NLRP2: variants seen among roughly 807,000 people sequenced by gnomAD.
NLRP2 encodes NLR family pyrin domain containing 2.
NLRP2 carries 107 observed loss-of-function variants against 97.2 expected under a neutral mutation model. The observed-to-expected ratio is 1.10, with a 90% confidence interval of 0.94 to 1.29. NLRP2 has a LOEUF of 1.29. NLRP2 is among the 50% of genes most tolerant of loss of function. The pLI, the probability that NLRP2 is intolerant of heterozygous loss-of-function variation, is 0.00. For missense variants in NLRP2, 1,495 were observed against 1,330.3 expected (o/e 1.12, Z -1.93); for synonymous variants, 663 against 551.5 (o/e 1.20, Z -2.83).
chr19:54,995,049 C>T (rs1313449886), intron 11 of NLRP2, among the ~76,000 whole-genome samples: 1 of 151,182 alleles, frequency 6.6e-6, no homozygotes, highest in Non-Finnish European at 1.5e-5. Context: ...CACAGTGGCT[C>T]ATACCTGTAA....
chr19:54,981,696 C>T lies in NLRP2; in HGVS notation c.463+14C>T. The T allele has an allele frequency of 7.1e-7, 1 of 1,400,308 alleles. No individual in the cohort carries two copies. 86.7% of individuals were successfully genotyped at this position (1,400,308 alleles called of 1,614,324 possible). A position where few individuals can be genotyped will look rare whatever the true frequency, so the allele number is the denominator to read the frequency against. ...GAAAAAAGCCAGGTCTGTACCATAT[C>T]TTCCTGCAGGGAGCTTGGGATCAGA... On this transcript the variant is annotated intron_variant, in intron 5 of 12. Coordinates refer to ENST00000448584, the MANE Select transcript of NLRP2 (RefSeq NM_017852.5).
In NLRP2 at chr19:54,975,129, T is replaced by G. The variant is rs927725855; in HGVS notation, c.325+585T>G. Among the ~76,000 whole-genome samples the G allele has an allele frequency of 1.0e-4, 11 of 104,772 alleles. 1 individual carries two copies. The South Asian group carries it at 2.3e-3, about 22-fold the overall frequency. The allele number at this position is 104,772 out of a possible 152,430, so 68.7% of individuals were successfully genotyped here. ...TTGTTTTTTTTTTTTTTTTTTTTTT[T>G]TTTTTTTTTTTTTTGAAACAGGGCT... is the stretch of plus-strand genomic sequence containing the variant. On this transcript the variant is annotated intron_variant, in intron 3 of 12. Transcript: ENST00000448584.
chr19:54,989,020 T>C (rs904069195), intron 8 of NLRP2, among the ~76,000 whole-genome samples: 3 of 151,660 alleles, frequency 2.0e-5, no homozygotes, highest in Admixed American at 6.6e-5. Context: ...TGCAGTGGAG[T>C]GATCTCGGCT....
At chr19:54,984,524 C>T (rs1017627675) in intron 6 of NLRP2, among the ~76,000 whole-genome samples, 7 of 89,410 alleles carry the variant, frequency 7.8e-5, no homozygotes, top group African/African-American at 4.1e-4. Context: ...ACTCTTTTTC[C>T]CAGGTCGGAG....
Position 54,990,062 on chromosome 19 carries a change from C to T in NLRP2, c.2407C>T (p.Leu803Phe), listed in dbSNP as rs764561180. The T allele has an allele frequency of 7.4e-6, 12 of 1,614,040 alleles. No individual in the cohort carries two copies. Among genetic ancestry groups the T allele is most frequent in the Non-Finnish European group, 9.3e-6 (11 of 1,180,018 alleles). ...CGCTACCACTCAGCAGTGGGCTGAT[C>T]TCTCCTTGGCCCTTGAAGTCAACCA... ...CSATTQQWAD[L>F]SLALEVNQSL... is the part of the protein sequence containing the mutation. Residue 803 changes from leucine (L) to phenylalanine (F), a missense_variant, in exon 9 of 13, where the codon CTC (leucine) becomes TTC (phenylalanine). Leu to Phe is a conservative substitution (Grantham distance 22). Transcript: ENST00000448584.
At position 54,994,294 on chromosome 19, in the gene NLRP2, G is replaced by T. The variant is rs746718511; in HGVS notation, c.2734G>T (p.Asp912Tyr). Residue 912 changes from aspartate (D) to tyrosine (Y), a missense_variant, in exon 11 of 13, where the codon GAT becomes TAT. Transcript: ENST00000448584. ...LVLWNCDITS[D>Y]GCCDLTKLLQ... ...GCTTTGGAACTGCGACATAACTAGC[G>T]ATGGCTGCTGCGATCTCACAAAGCT... 1.2e-6 allele frequency: 2 copies of T among 1,614,012 alleles called. No individual in the cohort carries two copies. The highest frequency in any genetic ancestry group is 2.7e-5 in the African/African-American group (2 of 74,900).
intron 3 of NLRP2, among the ~76,000 whole-genome samples, chr19:54,975,108 T>G (rs61471122): frequency 0.15 from 1,791 of 11,976 alleles, 72 homozygotes; most frequent in African/African-American, 0.45. Flanking sequence ...CCGGTTTTGT[T>G]TTTTTTTTTT....
rs558748710 is a variant in NLRP2 at position 54,979,707 on chromosome 19, G to T, written c.397+1884G>T. 3.3e-4 allele frequency among the ~76,000 whole-genome samples: 50 copies of T among 152,228 alleles called. 4 individuals are homozygous for T. The South Asian group carries it at 0.01, about 31-fold the overall frequency. Reference sequence around the variant, plus strand: ...TGCTATGGCTCTGTATAATAGAGGTGAGTAACTTGGTTGAAGGAATTGTTT... The same window carrying T: ...TGCTATGGCTCTGTATAATAGAGGTTAGTAACTTGGTTGAAGGAATTGTTT... On this transcript the variant is annotated intron_variant, in intron 4 of 12. Coordinates refer to ENST00000448584, the MANE Select transcript of NLRP2 (RefSeq NM_017852.5).
In NLRP2 at chr19:55,001,007, CA is replaced by C; in HGVS notation, c.*110del. The C allele has an allele frequency of 1.1e-6, 1 of 943,712 alleles. No individual in the cohort carries two copies. The highest frequency in any genetic ancestry group is 1.3e-5 in the South Asian group (1 of 75,372). The allele number at this position is 943,712 out of a possible 1,614,324, so 58.5% of individuals were successfully genotyped here. On this transcript the variant is annotated 3_prime_UTR_variant, in exon 13 of 13. Transcript: ENST00000448584. ...CCCTACCCCTCAGGGATAATGAGTT[CA>C]TTGCTGGGCTAGATGTTTTAGCCAT...
chr19:54,987,050 A>G (rs542487848), intron 8 of NLRP2, among the ~76,000 whole-genome samples: 64 of 149,966 alleles, frequency 4.3e-4, no homozygotes, highest in Non-Finnish European at 7.1e-4. Context: ...ACACCTGGTT[A>G]ATTTTTGTAT....
intron 3 of NLRP2, among the ~76,000 whole-genome samples, chr19:54,974,782 C>T (rs984499243): frequency 1.3e-5 from 2 of 152,098 alleles, no homozygotes; most frequent in Admixed American, 1.3e-4. Flanking sequence ...TAAGCTTGGC[C>T]TTTGAATCTG....
At chr19:54,994,582 T>G (rs2072701617) in intron 11 of NLRP2, 143 bp downstream of exon 11, 1 of 879,834 alleles carries the variant, frequency 1.1e-6, no homozygotes, top group Admixed American at 2.0e-5. Flanking sequence ...ACTAGGATGG[T>G]TAAAGGAATA....
chr19:54,986,401 A>C, intron 8 of NLRP2, 86 bp downstream of exon 8: 1 of 1,295,288 alleles, frequency 7.7e-7, no homozygotes, highest in Admixed American at 1.7e-5. Flanking sequence ...AATAAGAAAA[A>C]GTTCGTTATT....
chr19:54,973,113 C>T (rs530502090), intron 2 of NLRP2, among the ~76,000 whole-genome samples: 5 of 151,910 alleles, frequency 3.3e-5, no homozygotes, highest in African/African-American at 1.2e-4. Context: ...ATTGCTTGAA[C>T]CAGAGAGTCA....
intron 12 of NLRP2, 145 bp from the exon 13 acceptor site, chr19:55,000,615 T>C (rs1182225965): frequency 2.7e-6 from 2 of 747,778 alleles, no homozygotes; most frequent in Non-Finnish European, 2.2e-6. Flanking sequence ...AAAAAATCAA[T>C]GTGGAACACT....
At chr19:54,987,270 G>A (rs1398889009) in intron 8 of NLRP2, among the ~76,000 whole-genome samples, 1 of 152,080 alleles carries the variant, frequency 6.6e-6, no homozygotes, top group Non-Finnish European at 1.5e-5. Context: ...CAGAATACCA[G>A]CTATTGACAT....
At chr19:54,998,419 C>A (rs529282316) in intron 12 of NLRP2, among the ~76,000 whole-genome samples, 1 of 152,144 alleles carries the variant, frequency 6.6e-6, no homozygotes, top group South Asian at 2.1e-4. Flanking sequence ...CTACTGCTGG[C>A]TTAAAATAAT....
chr19:55,000,109 A>G lies in NLRP2; in HGVS notation c.3051-651A>G, dbSNP rs111891665. On this transcript the variant is annotated intron_variant, in intron 12 of 12. Coordinates refer to ENST00000448584, the MANE Select transcript of NLRP2 (RefSeq NM_017852.5). ...GTTTAGGCAACATGGTAAAACCCCA[A>G]CTCTACTAAAAATACAAAAATTAGC... 8.7e-3 allele frequency among the ~76,000 whole-genome samples: 1,313 copies of G among 151,004 alleles called. 13 individuals carry two copies. The highest frequency in any genetic ancestry group is 0.031 in the African/African-American group (1,263 of 40,886).
intron 1 of NLRP2, among the ~76,000 whole-genome samples, chr19:54,968,313 G>T (rs1489373434): frequency 6.6e-6 from 1 of 151,478 alleles, no homozygotes; most frequent in East Asian, 1.9e-4. Flanking sequence ...CCCAAAGTGC[G>T]GGGATTGCAA....
Sources: allele counts gnomAD v4.1 joint callset (sites outside exome capture counted in the v4.1 genomes callset), GRCh38; gene constraint gnomAD v4.1.1; transcripts MANE v1.5; gene names NCBI Gene and HGNC (gene_info 2026-07-23, HGNC 2026-07-21).